PRKAG2: variants seen among roughly 807,000 people sequenced by gnomAD.
The protein encoded by PRKAG2 is protein kinase AMP-activated non-catalytic subunit gamma 2, also known as 5'-AMP-activated protein kinase subunit gamma-2.
A neutral mutation model predicts 69.6 loss-of-function variants in PRKAG2; 26 were observed. That is an observed-to-expected ratio of 0.37 (90% CI 0.27 to 0.52). The LOEUF (loss-of-function observed/expected upper bound fraction) is 0.52, where lower values mean the gene tolerates loss of function less well. PRKAG2 is among the 20% of genes least tolerant of loss of function. PRKAG2 has a pLI of 0.90. For missense variants in PRKAG2, 557 were observed against 740.0 expected (o/e 0.75, Z 2.87); for synonymous variants, 293 against 285.0 (o/e 1.03, Z -0.28).
At position 151,632,238 on chromosome 7, in the gene PRKAG2, C is replaced by T. The variant is rs1824749840; in HGVS notation, c.685-100G>A. ...CGAGCGCTGGGGCCTGGCTCTGCCG[C>T]GCCGCCGGGAGGAGGGGCCTGGCAG... On this transcript the variant is annotated intron_variant, in intron 4 of 15. Coordinates refer to ENST00000287878, the MANE Select transcript of PRKAG2 (RefSeq NM_016203.4). This position sits in a 1 kb window ranked among gnomAD's most constrained non-coding sequence, Gnocchi z 4.2. 3.7e-6 allele frequency: 4 copies of T among 1,086,084 alleles called. No individual in the cohort carries two copies. The highest frequency in any genetic ancestry group is 4.5e-6 in the Non-Finnish European group (4 of 895,236). The allele number at this position is 1,086,084 out of a possible 1,614,324, so 67.3% of individuals were successfully genotyped here. A position where few individuals can be genotyped will look rare whatever the true frequency, so the allele number is the denominator to read the frequency against.
chr7:151,579,914 T>C (rs191696962), intron 6 of PRKAG2, among the ~76,000 whole-genome samples: 28 of 152,268 alleles, frequency 1.8e-4, no homozygotes, highest in African/African-American at 6.3e-4. Context: ...AACTTTAAGA[T>C]GCTAAAATAA....
At chr7:151,649,403 G>A (rs929396746) in intron 4 of PRKAG2, among the ~76,000 whole-genome samples, 2 of 152,186 alleles carry the variant, frequency 1.3e-5, no homozygotes, top group Non-Finnish European at 2.9e-5. Flanking sequence ...TGGGATTACA[G>A]GTGTGAACCA....
intron 1 of PRKAG2, among the ~76,000 whole-genome samples, chr7:151,864,706 A>G (rs999845230): frequency 6.6e-6 from 1 of 152,046 alleles, no homozygotes; most frequent in Non-Finnish European, 1.5e-5. Flanking sequence ...CTCCTCGGAC[A>G]CTCACTCATC....
At chr7:151,645,365 G>T (rs935648239) in intron 4 of PRKAG2, among the ~76,000 whole-genome samples, 4 of 152,188 alleles carry the variant, frequency 2.6e-5, no homozygotes, top group Non-Finnish European at 5.9e-5. Context: ...CTAACCACAT[G>T]AGCTTGGAAA....
chr7:151,631,922 G>C (rs937553947), intron 5 of PRKAG2, 147 bp downstream of exon 5: 4 of 846,660 alleles, frequency 4.7e-6, no homozygotes, highest in Non-Finnish European at 6.3e-6. Flanking sequence ...TCCCCGCCCC[G>C]GTTCCCGCCC....
intron 6 of PRKAG2, among the ~76,000 whole-genome samples, chr7:151,594,627 T>G (rs774455713): frequency 2.6e-5 from 4 of 152,184 alleles, no homozygotes; most frequent in Non-Finnish European, 5.9e-5. Flanking sequence ...TATCATATGT[T>G]CTACTAAATA....
chr7:151,663,640 G>A (rs780783554), intron 4 of PRKAG2, among the ~76,000 whole-genome samples: 7 of 152,196 alleles, frequency 4.6e-5, no homozygotes, highest in East Asian at 1.9e-4. Flanking sequence ...GATTACAGGC[G>A]TAAGCCACCA....
chr7:151,825,043 C>G (rs899353536), intron 1 of PRKAG2, among the ~76,000 whole-genome samples: 7 of 96,616 alleles, frequency 7.2e-5, no homozygotes, highest in African/African-American at 2.1e-4. Context: ...GAAACCCCGT[C>G]TCTACTAAAA....
At chr7:151,622,794 C>T (rs1821846597) in intron 5 of PRKAG2, among the ~76,000 whole-genome samples, 1 of 152,208 alleles carries the variant, frequency 6.6e-6, no homozygotes, top group Non-Finnish European at 1.5e-5. Context: ...TCTGACAGTG[C>T]AGAAGAACAG....
At chr7:151,826,186 T>C (rs1451987540) in intron 1 of PRKAG2, among the ~76,000 whole-genome samples, 2 of 149,968 alleles carry the variant, frequency 1.3e-5, no homozygotes, top group Non-Finnish European at 2.9e-5. Context: ...TTTTTTTTTG[T>C]TGTTGTTTTT....
At chr7:151,845,129 C>G (rs1240432136) in intron 1 of PRKAG2, among the ~76,000 whole-genome samples, 2 of 152,088 alleles carry the variant, frequency 1.3e-5, no homozygotes, top group East Asian at 3.9e-4. Context: ...AGTTCCCTTT[C>G]CTGGCAGGAT....
intron 4 of PRKAG2, among the ~76,000 whole-genome samples, chr7:151,635,992 G>A (rs1011279633): frequency 1.5e-4 from 22 of 151,034 alleles, no homozygotes; most frequent in African/African-American, 2.4e-4. Context: ...CTTAGCCTCC[G>A]GAGTAGCTAG....
At chr7:151,815,729 C>T (rs368864176) in intron 1 of PRKAG2, among the ~76,000 whole-genome samples, 1 of 152,160 alleles carries the variant, frequency 6.6e-6, no homozygotes, top group Non-Finnish European at 1.5e-5. Flanking sequence ...TACAACAAAT[C>T]CCAGGTGCCC....
At position 151,610,355 on chromosome 7, in the gene PRKAG2, C is replaced by T. The variant is rs149676392; in HGVS notation, c.755-14901G>A. ...CTGCACTCCAGCCTGGGCGACAGAG[C>T]GAGTCTTCATTTCAAAACAAACAAA... On this transcript the variant is annotated intron_variant, in intron 5 of 15. Transcript: ENST00000287878. Among the ~76,000 whole-genome samples the T allele has an allele frequency of 5.0e-3, 758 of 151,846 alleles. 1 individual carries two copies. The highest frequency in any genetic ancestry group is 0.011 in the East Asian group (56 of 5,134).
rs572198742 is a variant in PRKAG2, at chr7:151,643,687, T to C, written c.685-11549A>G. Among the ~76,000 whole-genome samples the C allele has an allele frequency of 1.5e-4, 23 of 152,342 alleles. No individual in the cohort carries two copies. The South Asian group carries it at 4.3e-3, about 29-fold the overall frequency. ...ATCCACAGTGTTACATAGCCACTTA[T>C]GGTGGATTAGAGTGAACTGCAGACA... On this transcript the variant is annotated intron_variant, in intron 4 of 15. Coordinates refer to ENST00000287878, the MANE Select transcript of PRKAG2 (RefSeq NM_016203.4).
At chr7:151,857,217 G>A (rs199643893) in intron 1 of PRKAG2, among the ~76,000 whole-genome samples, 1 of 151,340 alleles carries the variant, frequency 6.6e-6, no homozygotes, top group East Asian at 1.9e-4. Context: ...GGAGATGAGA[G>A]CCAGAAAAGG....
rs1260482938 is a variant in PRKAG2, at chr7:151,720,700, G to A, written c.467-45063C>T. On this transcript the variant is annotated intron_variant, in intron 3 of 15. Coordinates refer to ENST00000287878, the MANE Select transcript of PRKAG2 (RefSeq NM_016203.4). ...GGGATGGAGGGGATGGATGGGGACA[G>A]AGGGGGATAAAGGAGGACAGAGAGA... Among the ~76,000 whole-genome samples the A allele has an allele frequency of 3.6e-5, 3 of 82,304 alleles. No individual in the cohort carries two copies. In the Admixed American group the frequency reaches 3.8e-4, roughly 10 times the overall value. 54.0% of individuals were successfully genotyped at this position (82,304 alleles called of 152,430 possible).
Position 151,779,638 on chromosome 7 carries a change from A to C in PRKAG2, c.466+1514T>G, listed in dbSNP as rs539267310. 9.2e-5 allele frequency among the ~76,000 whole-genome samples: 14 copies of C among 152,330 alleles called. No individual in the cohort carries two copies. The South Asian group carries it at 2.7e-3, about 29-fold the overall frequency. ...TGAGCACAGGCAGTACCATGGAGAC[A>C]ATCTCGTCCTTTCTTCTGAAGCCTG... is the stretch of plus-strand genomic sequence containing the variant. On this transcript the variant is annotated intron_variant, in intron 3 of 15. Coordinates refer to ENST00000287878, the MANE Select transcript of PRKAG2 (RefSeq NM_016203.4).
chr7:151,873,253 T>C (rs1277286385), intron 1 of PRKAG2, among the ~76,000 whole-genome samples: 2 of 152,174 alleles, frequency 1.3e-5, no homozygotes, highest in Non-Finnish European at 2.9e-5. Flanking sequence ...ACTGGTTCCT[T>C]AGTGGGAGTA....
Sources: allele counts gnomAD v4.1 joint callset (sites outside exome capture counted in the v4.1 genomes callset), GRCh38; gene constraint gnomAD v4.1.1; non-coding constraint Gnocchi (gnomAD v3.1); transcripts MANE v1.5; gene names NCBI Gene and HGNC (gene_info 2026-07-23, HGNC 2026-07-21).